EPB41L3: variants seen among roughly 807,000 people sequenced by gnomAD.
EPB41L3 encodes the protein band 4.1-like protein 3.
In EPB41L3, 57 loss-of-function variants were observed where a neutral mutation model predicts 127.1. That is an observed-to-expected ratio of 0.45 (90% confidence interval 0.36 to 0.56). The LOEUF is 0.56. Among genes scored for constraint, EPB41L3 ranks in the 20% least tolerant of loss-of-function variants. EPB41L3 has a pLI of 0.00. For synonymous variants in EPB41L3, 572 were observed against 549.5 expected (o/e 1.04, Z -0.57); for missense variants, 1,273 against 1,372.2 (o/e 0.93, Z 1.14).
intron 3 of EPB41L3, among the ~76,000 whole-genome samples, chr18:5,561,079 G>A (rs867163837): frequency 3.3e-4 from 48 of 147,656 alleles, no homozygotes; most frequent in Non-Finnish European, 4.7e-4. Flanking sequence ...CCAGGTTCAC[G>A]CCATTCTCCT....
intron 3 of EPB41L3, among the ~76,000 whole-genome samples, chr18:5,469,281 G>T (rs537737878): frequency 6.6e-6 from 1 of 152,176 alleles, no homozygotes; most frequent in African/African-American, 2.4e-5. Flanking sequence ...GGGGGTCTGT[G>T]GTTTCTGGCA....
chr18:5,460,221 T>C (rs2083752085), intron 3 of EPB41L3, among the ~76,000 whole-genome samples: 1 of 152,200 alleles, frequency 6.6e-6, no homozygotes, highest in Non-Finnish European at 1.5e-5. Context: ...GCTGACTGGA[T>C]CAGTGGGTTC....
rs527941309 is a variant in EPB41L3, at chr18:5,585,839, C to T, written c.-306+26501G>A. On this transcript the variant is annotated intron_variant, in intron 3 of 21. Coordinates refer to the EPB41L3 transcript ENST00000545076. ...TAGCCTGAGAAGCGGGGGTATTTCT[C>T]CCAGGCTTCCTCCCTGCTTGGGTGT... Among the ~76,000 whole-genome samples the T allele has an allele frequency of 4.6e-5, 7 of 152,232 alleles. 1 individual carries two copies. The South Asian group carries it at 1.5e-3, about 32-fold the overall frequency.
chr18:5,570,570 TTTTTC>T (rs1427490964), intron 3 of EPB41L3, among the ~76,000 whole-genome samples: 3 of 152,020 alleles, frequency 2.0e-5, no homozygotes, highest in East Asian at 1.9e-4. Flanking sequence ...ATTCTTTTTC[TTTTTC>T]TTTTCTTTTA....
At chr18:5,514,060 A>T (rs2092655111) in intron 1 of EPB41L3, among the ~76,000 whole-genome samples, 1 of 152,222 alleles carries the variant, frequency 6.6e-6, no homozygotes, top group Non-Finnish European at 1.5e-5. Context: ...AGTGGAAGAA[A>T]ATGAGGATTT....
chr18:5,400,690 A>C (rs560131725), intron 16 of EPB41L3: 7 of 500,574 alleles, frequency 1.4e-5, no homozygotes, highest in African/African-American at 9.7e-5. Flanking sequence ...GCAGTAAAAC[A>C]ACATTTCAGC....
chr18:5,566,772 CTATTCTATTCT>C (rs1254507574), intron 3 of EPB41L3, among the ~76,000 whole-genome samples: 24 of 146,364 alleles, frequency 1.6e-4, no homozygotes, highest in Admixed American at 2.8e-4. Context: ...CTATTCTATT[CTATTCTATTCT>C]ATTCTATTCC....
chr18:5,580,230 TACAC>T (rs1292197998), intron 3 of EPB41L3, among the ~76,000 whole-genome samples: 1 of 152,118 alleles, frequency 6.6e-6, no homozygotes, highest in African/African-American at 2.4e-5. Flanking sequence ...GATACACTCA[TACAC>T]ACATATGTAT....
chr18:5,616,323 T>C (rs961694196), intron 1 of EPB41L3, among the ~76,000 whole-genome samples: 3 of 152,092 alleles, frequency 2.0e-5, no homozygotes, highest in African/African-American at 7.2e-5. Flanking sequence ...GAACTCAGCC[T>C]CCCTTGTGAA....
intron 1 of EPB41L3, among the ~76,000 whole-genome samples, chr18:5,506,191 T>C (rs1378783070): frequency 6.6e-6 from 1 of 152,256 alleles, no homozygotes; most frequent in Admixed American, 6.5e-5. Context: ...CTCTGTACTG[T>C]GTTTTTCACA....
At chr18:5,420,196 T>C (rs2077300742) in intron 11 of EPB41L3, 1 of 425,012 alleles carries the variant, frequency 2.4e-6, no homozygotes. Context: ...TGTGTGTAAG[T>C]GTGGAGGTGA....
chr18:5,474,324 A>C (rs1451942423), intron 3 of EPB41L3, among the ~76,000 whole-genome samples: 2 of 152,186 alleles, frequency 1.3e-5, no homozygotes, highest in African/African-American at 4.8e-5. Flanking sequence ...CACGATCTGA[A>C]AAGGCTAGCA....
intron 19 of EPB41L3, 69 bp downstream of exon 19, chr18:5,396,132 T>C: frequency 1.3e-6 from 2 of 1,586,654 alleles, no homozygotes; most frequent in Admixed American, 1.7e-5. Flanking sequence ...TGCAGTTCTA[T>C]GTAAACACAC....
intron 5 of EPB41L3, among the ~76,000 whole-genome samples, chr18:5,441,567 G>A (rs866563951): frequency 6.6e-6 from 1 of 150,774 alleles, no homozygotes; most frequent in East Asian, 2.0e-4. Context: ...CCGGGTTCAC[G>A]CCATTCTCCT....
chr18:5,565,466 TA>T (rs2094186176), intron 3 of EPB41L3, among the ~76,000 whole-genome samples: 1 of 151,370 alleles, frequency 6.6e-6, no homozygotes, highest in Admixed American at 6.6e-5. Context: ...TTTTTTTTTT[TA>T]ATTATACTTT....
At chr18:5,426,871 C>T (rs1477793367) in intron 9 of EPB41L3, among the ~76,000 whole-genome samples, 3 of 152,162 alleles carry the variant, frequency 2.0e-5, no homozygotes, top group Non-Finnish European at 4.4e-5. Flanking sequence ...GTTTAATATA[C>T]AATCTTTAGG....
intron 3 of EPB41L3, among the ~76,000 whole-genome samples, chr18:5,595,918 C>T (rs551747692): frequency 6.6e-6 from 1 of 152,296 alleles, no homozygotes; most frequent in Non-Finnish European, 1.5e-5. Context: ...TGGCTCCCAT[C>T]TTCCACTCCA....
intron 1 of EPB41L3, among the ~76,000 whole-genome samples, chr18:5,531,129 AC>A (rs2093398973): frequency 6.6e-6 from 1 of 152,198 alleles, no homozygotes; most frequent in Non-Finnish European, 1.5e-5. Flanking sequence ...TTTGATCTTC[AC>A]AATAGTTCTG....
intron 3 of EPB41L3, among the ~76,000 whole-genome samples, chr18:5,447,446 TA>T (rs1271310376): frequency 2.2e-5 from 3 of 133,538 alleles, no homozygotes; most frequent in East Asian, 2.5e-4. Flanking sequence ...TTAGCTAGAC[TA>T]CTTTTTTTTT....
Sources: allele counts gnomAD v4.1 joint callset (sites outside exome capture counted in the v4.1 genomes callset), GRCh38; gene constraint gnomAD v4.1.1; transcripts MANE v1.5; gene names NCBI Gene and HGNC (gene_info 2026-07-23, HGNC 2026-07-21).